SSBP1: variants seen among roughly 807,000 people sequenced by gnomAD.
The protein encoded by SSBP1 is single-stranded DNA-binding protein, mitochondrial.
SSBP1 carries 20 observed loss-of-function variants against 27.0 expected under a neutral mutation model. The observed-to-expected ratio is 0.74, with a 90% CI of 0.52 to 1.08. The LOEUF (loss-of-function observed/expected upper bound fraction) is 1.08. Among genes scored for constraint, SSBP1 ranks in the 50% least tolerant of loss-of-function variants. The pLI, the probability that SSBP1 is intolerant of heterozygous loss-of-function variation, is 0.00. For missense variants in SSBP1, 137 were observed against 182.4 expected, an observed-to-expected ratio of 0.75 and a Z score of 1.44; for synonymous variants, 59 against 59.3, an observed-to-expected ratio of 1.00 and a Z score of 0.02.
In SSBP1 at chr7:141,743,543, C is replaced by T. The variant is rs751302964; in HGVS notation, c.86-18C>T. On this transcript the variant is annotated intron_variant, in intron 3 of 6. Coordinates refer to ENST00000265304, the MANE Select transcript of SSBP1 (RefSeq NM_003143.3). ...TCTATAGCAGGTTGTCTCATTTGGTCTTGATGTTGTGTTTCAGCCCTGAAT... is the reference window on the plus strand; with the variant it reads ...TCTATAGCAGGTTGTCTCATTTGGTTTTGATGTTGTGTTTCAGCCCTGAAT... 13 of 1,613,054 alleles carry T rather than the reference C, an allele frequency of 8.1e-6. 1 individual carries two copies. The highest frequency in any genetic ancestry group is 3.3e-4 in the Middle Eastern group (2 of 6,058).
chr7:141,746,030 A>AT (rs374428305), intron 6 of SSBP1: 21 of 958,442 alleles, frequency 2.2e-5, no homozygotes, highest in Admixed American at 1.2e-4. Context: ...TTTTAATTTT[A>AT]TTTTTTTTGA....
chr7:141,741,860 T>G (rs948641240), intron 2 of SSBP1: 1 of 976,408 alleles, frequency 1.0e-6, no homozygotes, highest in Non-Finnish European at 1.3e-6. Context: ...TGATTTTTCC[T>G]TTTGTGTGCA....
At chr7:141,744,043 G>A in intron 5 of SSBP1, 54 bp downstream of exon 5, 2 of 1,512,572 alleles carry the variant, frequency 1.3e-6, no homozygotes, top group Admixed American at 1.8e-5. Context: ...GAACCGATAA[G>A]AAGTGTTCTC....
chr7:141,739,252 T>C (rs1292147943), intron 2 of SSBP1, 62 bp downstream of exon 2: 21 of 1,400,564 alleles, frequency 1.5e-5, no homozygotes, highest in Non-Finnish European at 1.8e-5. Context: ...ATCAGAAGAC[T>C]TCTTTAGGCT....
At chr7:141,738,486 G>C (rs1482599078) in intron 1 of SSBP1, 76 bp downstream of exon 1, 1 of 152,950 alleles carries the variant, frequency 6.5e-6, no homozygotes, top group Non-Finnish European at 1.5e-5. Flanking sequence ...TCCTGCGTGG[G>C]TCGGGAGGTG....
At chr7:141,743,047 G>A (rs1258188009) in intron 3 of SSBP1, among the ~76,000 whole-genome samples, 1 of 152,198 alleles carries the variant, frequency 6.6e-6, no homozygotes, top group Non-Finnish European at 1.5e-5. Context: ...TAGAGATGGG[G>A]TTTCACCGTG....
chr7:141,746,029 T>C, intron 6 of SSBP1: 1 of 962,938 alleles, frequency 1.0e-6, no homozygotes. Flanking sequence ...TTTTTAATTT[T>C]ATTTTTTTTG....
intron 6 of SSBP1, 58 bp downstream of exon 6, chr7:141,745,642 C>T (rs762274914): frequency 1.9e-6 from 3 of 1,601,062 alleles, no homozygotes; most frequent in Non-Finnish European, 2.6e-6. Flanking sequence ...TTTTTAAAAG[C>T]TTGGCTACAC....
intron 5 of SSBP1, among the ~76,000 whole-genome samples, chr7:141,745,254 A>T (rs1799733517): frequency 6.6e-6 from 1 of 152,152 alleles, no homozygotes; most frequent in Non-Finnish European, 1.5e-5. Context: ...TTTATTTTTT[A>T]ACTTCCGTAA....
At position 141,743,993 on chromosome 7, in the gene SSBP1, A is replaced by G; in HGVS notation, c.314+4A>G. 1.9e-6 allele frequency: 3 copies of G among 1,609,896 alleles called. No individual in the cohort carries two copies. The highest frequency in any genetic ancestry group is 1.1e-5 in the South Asian group (1 of 90,318). On this transcript the variant is annotated splice_donor_region_variant and intron_variant, in intron 5 of 6. Transcript: ENST00000265304. ...CATATCAATATGTGAAAAAGGGGTA[A>G]GTTGAAGAGGGAAGGATCTTATGAA...
chr7:141,744,373 G>A (rs1349730848), intron 5 of SSBP1, among the ~76,000 whole-genome samples: 1 of 152,208 alleles, frequency 6.6e-6, no homozygotes, highest in African/African-American at 2.4e-5. Flanking sequence ...TTGCCTGTTG[G>A]CTGCCACATG....
At chr7:141,743,294 T>C (rs912609957) in intron 3 of SSBP1, among the ~76,000 whole-genome samples, 3 of 152,214 alleles carry the variant, frequency 2.0e-5, no homozygotes, top group African/African-American at 7.2e-5. Flanking sequence ...ATTGAGCTCT[T>C]GGCGAGGGCT....
At chr7:141,741,695 A>T in intron 2 of SSBP1, 1 of 830,122 alleles carries the variant, frequency 1.2e-6, no homozygotes, top group Non-Finnish European at 1.5e-6. Flanking sequence ...AAAAAATTAG[A>T]GGATGTATAT....
In SSBP1 at chr7:141,739,116, T is replaced by TC; in HGVS notation, c.-43-6dup. 1 of 1,537,920 alleles carries TC rather than the reference T, an allele frequency of 6.5e-7. No homozygotes were observed. Among genetic ancestry groups the TC allele is most frequent in the Non-Finnish European group, 8.8e-7 (1 of 1,141,106 alleles). ...ATGTTTTTTTCTTATTTTGTTTTTT[T>TC]CCTTCAGGAAAAGCCTAAAGATTAG... On this transcript the variant is annotated splice_polypyrimidine_tract_variant and splice_region_variant and intron_variant, in intron 1 of 6. Coordinates refer to ENST00000265304, the MANE Select transcript of SSBP1 (RefSeq NM_003143.3).
At chr7:141,744,739 T>TA (rs1322717119) in intron 5 of SSBP1, among the ~76,000 whole-genome samples, 1 of 152,184 alleles carries the variant, frequency 6.6e-6, no homozygotes, top group Non-Finnish European at 1.5e-5. Context: ...TATGTGCACA[T>TA]ACACACACAA....
chr7:141,742,333 G>A, intron 3 of SSBP1, 104 bp downstream of exon 3: 2 of 821,828 alleles, frequency 2.4e-6, no homozygotes, highest in Non-Finnish European at 4.0e-6. Context: ...TGTTGCCATT[G>A]TGCTTTTAGC....
chr7:141,738,900 G>A (rs1051949457), intron 1 of SSBP1: 20 of 384,170 alleles, frequency 5.2e-5, no homozygotes, highest in Non-Finnish European at 8.9e-5. Context: ...TTGTCGATGG[G>A]TTGGAGGAAG....
At chr7:141,743,414 A>C in intron 3 of SSBP1, 147 bp from the exon 4 acceptor site, 1 of 871,822 alleles carries the variant, frequency 1.1e-6, no homozygotes, top group South Asian at 1.9e-5. Context: ...TCATGACGTC[A>C]TCTAAGCCTA....
At chr7:141,739,370 C>CA (rs919165184) in intron 2 of SSBP1, 180 bp downstream of exon 2, 105 of 425,868 alleles carry the variant, frequency 2.5e-4, no homozygotes, top group South Asian at 8.3e-4. Context: ...TTCACTAAAA[C>CA]AAAAAAAAAG....
Sources: allele counts gnomAD v4.1 joint callset (sites outside exome capture counted in the v4.1 genomes callset), GRCh38; gene constraint gnomAD v4.1.1; transcripts MANE v1.5; gene names NCBI Gene and HGNC (gene_info 2026-07-23, HGNC 2026-07-21).